CAST: variants seen among roughly 807,000 people sequenced by gnomAD.
CAST encodes the protein MIR583 host.
In CAST, 76 loss-of-function variants were observed where a neutral mutation model predicts 119.6. The observed-to-expected ratio is 0.64, with a 90% CI of 0.53 to 0.77. The LOEUF is 0.77. Ranked by LOEUF, CAST falls within the 30% of genes least tolerant of loss-of-function variation. CAST has a pLI of 0.00. For synonymous variants in CAST, 319 were observed against 331.6 expected, an observed-to-expected ratio of 0.96 and a Z score of 0.41; for missense variants, 953 against 946.5, an observed-to-expected ratio of 1.01 and a Z score of -0.09.
chr5:96,366,706 G>A, the CAST span, among the ~76,000 whole-genome samples: 1 of 152,130 alleles, frequency 6.6e-6, no homozygotes, highest in African/African-American at 2.4e-5. Context: ...TCTCTACACT[G>A]ATTATTCTAG....
At chr5:96,621,969 C>CTTTTTTTTTT (rs35728460) in intron 1 of CAST, among the ~76,000 whole-genome samples, 1 of 113,702 alleles carries the variant, frequency 8.8e-6, no homozygotes, top group African/African-American at 3.4e-5. Context: ...CTTTTTTTCT[C>CTTTTTTTTTT]TTTTTTTTTT....
chr5:96,742,226 A>G (rs1762841119), intron 15 of CAST: 1 of 162,202 alleles, frequency 6.2e-6, no homozygotes, highest in East Asian at 1.8e-4. Context: ...AGAAGAAGGC[A>G]GCAGGGGCCA....
At chr5:96,290,580 GC>G in the CAST span, among the ~76,000 whole-genome samples, 1 of 152,156 alleles carries the variant, frequency 6.6e-6, no homozygotes, top group African/African-American at 2.4e-5. Flanking sequence ...TGCATCTGAT[GC>G]CCTGTCTTTG....
At chr5:96,412,313 C>T in the CAST span, 4 of 1,613,158 alleles carry the variant, frequency 2.5e-6, no homozygotes, top group Non-Finnish European at 3.4e-6. Context: ...TGTAAAGCAT[C>T]TTACCTGTTT....
chr5:96,722,624 T>G lies in CAST; in HGVS notation c.211-15T>G. The G allele has an allele frequency of 1.2e-6, 2 of 1,601,430 alleles. No individual in the cohort carries two copies. Among genetic ancestry groups the G allele is most frequent in the Non-Finnish European group, 1.7e-6 (2 of 1,168,504 alleles). On this transcript the variant is annotated splice_polypyrimidine_tract_variant and intron_variant, in intron 3 of 31. Coordinates refer to ENST00000675179, the MANE Select transcript of CAST (RefSeq NM_001750.7). Reference sequence around the variant, plus strand: ...AAATAGAATCGAACTTTCTATTTCTTTCTTTCCTTTCTAGGTGTCAGCTTC... The same window carrying G: ...AAATAGAATCGAACTTTCTATTTCTGTCTTTCCTTTCTAGGTGTCAGCTTC...
the CAST span, chr5:96,390,342 G>A: frequency 6.6e-6 from 1 of 152,142 alleles, no homozygotes; most frequent in South Asian, 2.1e-4. Context: ...GTTTGTGGTG[G>A]AAACATGAGC....
chr5:96,532,569 G>A (rs1306931942), intron 1 of CAST, among the ~76,000 whole-genome samples: 1 of 152,138 alleles, frequency 6.6e-6, no homozygotes, highest in Admixed American at 6.5e-5. Context: ...TTAAAAATTG[G>A]CCAGGCATCG....
chr5:96,667,016 A>G (rs114538928), intron 1 of CAST, among the ~76,000 whole-genome samples: 347 of 152,252 alleles, frequency 2.3e-3, no homozygotes, highest in African/African-American at 8.1e-3. Flanking sequence ...CTTTCATGAA[A>G]ACATACCCAG....
At chr5:96,538,199 T>C (rs1745852649) in intron 1 of CAST, among the ~76,000 whole-genome samples, 2 of 152,102 alleles carry the variant, frequency 1.3e-5, no homozygotes, top group Non-Finnish European at 1.5e-5. Flanking sequence ...AACCTCCACA[T>C]AGGTTATCAA....
At chr5:96,511,932 C>G in the CAST span, among the ~76,000 whole-genome samples, 2 of 152,184 alleles carry the variant, frequency 1.3e-5, no homozygotes, top group Non-Finnish European at 2.9e-5. Context: ...GGCCCGGTTA[C>G]CTGGCACAGA....
chr5:96,120,342 G>A, the CAST span, among the ~76,000 whole-genome samples: 1 of 152,088 alleles, frequency 6.6e-6, no homozygotes, highest in Non-Finnish European at 1.5e-5. Flanking sequence ...GTGGAATGGT[G>A]CAAAGCCGGA....
chr5:96,748,115 A>G (rs1315552558), intron 18 of CAST, among the ~76,000 whole-genome samples: 1 of 152,234 alleles, frequency 6.6e-6, no homozygotes, highest in Admixed American at 6.5e-5. Flanking sequence ...CTGCATAATC[A>G]TAGAAACGGA....
chr5:96,598,558 C>T (rs1051980899), intron 1 of CAST, among the ~76,000 whole-genome samples: 4 of 152,160 alleles, frequency 2.6e-5, no homozygotes, highest in African/African-American at 9.7e-5. Flanking sequence ...GGCTGGATCC[C>T]ACAGGACAAA....
the CAST span, chr5:96,391,683 G>C: frequency 1.3e-5 from 2 of 152,224 alleles, no homozygotes; most frequent in African/African-American, 4.8e-5. Flanking sequence ...GTAACATGGA[G>C]CAGGGTGCCA....
chr5:96,454,893 A>G, the CAST span, among the ~76,000 whole-genome samples: 2 of 152,228 alleles, frequency 1.3e-5, no homozygotes, highest in Non-Finnish European at 2.9e-5. Flanking sequence ...TGCCAATAAA[A>G]TGAAAGCAAG....
At chr5:95,961,651 T>C in the CAST span, 18 of 1,610,460 alleles carry the variant, frequency 1.1e-5, no homozygotes, top group Non-Finnish European at 1.5e-5. Context: ...GATGTTGTCC[T>C]GCCCCAGCCG....
At chr5:96,049,901 A>C in the CAST span, among the ~76,000 whole-genome samples, 4 of 140,774 alleles carry the variant, frequency 2.8e-5, no homozygotes, top group African/African-American at 1.1e-4. Context: ...AAAAAAAAAA[A>C]AAAAAAAAAA....
the CAST span, among the ~76,000 whole-genome samples, chr5:96,345,755 C>T: frequency 6.6e-6 from 1 of 152,130 alleles, no homozygotes. Flanking sequence ...GGACTAGGGA[C>T]TTCAGTTCCC....
At chr5:96,315,237 T>C in the CAST span, among the ~76,000 whole-genome samples, 73 of 152,360 alleles carry the variant, frequency 4.8e-4, no homozygotes, top group Middle Eastern at 3.4e-3. Flanking sequence ...GTATGTCCCA[T>C]GCAATATTTG....
Sources: allele counts gnomAD v4.1 joint callset (sites outside exome capture counted in the v4.1 genomes callset), GRCh38; gene constraint gnomAD v4.1.1; transcripts MANE v1.5; gene names NCBI Gene and HGNC (gene_info 2026-07-23, HGNC 2026-07-21).